The following TTLL3 variants were observed in gnomAD, a reference collection of about 807,000 sequenced individuals.
The protein encoded by TTLL3 is tubulin tyrosine ligase like 3.
TTLL3 carries 63 observed loss-of-function variants against 75.2 expected under a neutral mutation model. The ratio of observed to expected loss-of-function variants is 0.84; its 90% CI spans 0.68 to 1.03. The LOEUF (loss-of-function observed/expected upper bound fraction) is 1.03. Ranked by LOEUF, TTLL3 falls within the 50% of genes least tolerant of loss-of-function variation. The pLI is 0.00. For synonymous variants in TTLL3, 393 were observed against 418.5 expected (o/e 0.94, Z 0.74); for missense variants, 997 against 1,069.9 (o/e 0.93, Z 0.95).
intron 7 of TTLL3, chr3:9,819,857 G>A: frequency 1.0e-6 from 1 of 985,584 alleles, no homozygotes; most frequent in Non-Finnish European, 1.2e-6. Flanking sequence ...GGGCACAAGG[G>A]CCTCGGGTGT....
At chr3:9,816,044 C>T in intron 4 of TTLL3, 30 bp from the exon 5 acceptor site, 3 of 1,341,088 alleles carry the variant, frequency 2.2e-6, no homozygotes, top group Non-Finnish European at 3.0e-6. Flanking sequence ...ACACTGGCCT[C>T]TGTGTTTCTG....
At chr3:9,833,627 A>C (rs1016824216) in intron 12 of TTLL3, among the ~76,000 whole-genome samples, 1 of 152,012 alleles carries the variant, frequency 6.6e-6, no homozygotes, top group Non-Finnish European at 1.5e-5. Context: ...CAGCCACCCC[A>C]CCAAAGAGCC....
At chr3:9,823,240 T>C (rs1191801588) in intron 8 of TTLL3, among the ~76,000 whole-genome samples, 3 of 151,844 alleles carry the variant, frequency 2.0e-5, no homozygotes, top group East Asian at 3.9e-4. Flanking sequence ...AAAAATTAGC[T>C]GGGTGTGGTG....
rs2081994441 is a variant in TTLL3, at chr3:9,835,991, C to T, written c.*502C>T. 1 of 153,254 alleles carries T rather than the reference C, an allele frequency of 6.5e-6. No homozygotes were observed. Among genetic ancestry groups the T allele is most frequent in the African/African-American group, 2.4e-5 (1 of 41,476 alleles). The allele number at this position is 153,254 out of a possible 1,614,324, so 9.5% of individuals were successfully genotyped here. On this transcript the variant is annotated 3_prime_UTR_variant, in exon 14 of 14. Coordinates refer to ENST00000685419, the MANE Select transcript of TTLL3 (RefSeq NM_001387446.1). ...CTGAAAAGAGATGTCTACTTGGACC[C>T]TGTGAATGTGACCTTATGTGGGAAA...
intron 6 of TTLL3, 116 bp downstream of exon 6, chr3:9,817,875 C>A: frequency 1.5e-6 from 2 of 1,345,802 alleles, no homozygotes; most frequent in Non-Finnish European, 2.0e-6. Context: ...CCTGCCCCAG[C>A]AGATTTCCCT....
At chr3:9,834,409 A>G (rs952250153) in intron 12 of TTLL3, 9 of 639,044 alleles carry the variant, frequency 1.4e-5, no homozygotes, top group Non-Finnish European at 2.3e-5. Context: ...GGTAGGTGCT[A>G]TTATCCCCAT....
intron 11 of TTLL3, among the ~76,000 whole-genome samples, chr3:9,830,682 G>A (rs1393926136): frequency 1.3e-5 from 2 of 152,190 alleles, no homozygotes; most frequent in African/African-American, 4.8e-5. Flanking sequence ...CAGTGCCCAG[G>A]CCAGAAGCAT....
Position 9,812,974 on chromosome 3 carries a change from A to G in TTLL3, c.80A>G (p.Tyr27Cys), listed in dbSNP as rs762688304. Residue 27 changes from tyrosine to cysteine, a missense_variant, in exon 3 of 14, where the codon TAC (tyrosine) becomes TGC (cysteine). Tyr to Cys is a radical substitution (Grantham distance 194). Transcript: ENST00000685419. Reference protein sequence around the residue: ...QKKIFTIQGCYPVIRCLLRRR... With the variant: ...QKKIFTIQGCCPVIRCLLRRR... Reference sequence around the variant, plus strand: ...AAGATCTTTACAATCCAAGGCTGCTACCCGGTGATCCGGTGTCTCTTGCGC... The same window carrying G: ...AAGATCTTTACAATCCAAGGCTGCTGCCCGGTGATCCGGTGTCTCTTGCGC... 4.6e-6 allele frequency: 7 copies of G among 1,530,358 alleles called. No individual in the cohort carries two copies. In the South Asian group the frequency reaches 5.1e-5, roughly 11 times the overall value. The allele number at this position is 1,530,358 out of a possible 1,614,324, so 94.8% of individuals were successfully genotyped here. A position where few individuals can be genotyped will look rare whatever the true frequency, so the allele number is the denominator to read the frequency against.
chr3:9,834,569 G>A (rs1047168950), intron 12 of TTLL3, 112 bp from the exon 13 acceptor site: 69 of 1,513,962 alleles, frequency 4.6e-5, no homozygotes, highest in African/African-American at 2.8e-4. Flanking sequence ...GGGCTCCGTC[G>A]GCCTTCACCC....
Position 9,835,686 on chromosome 3 carries a change from A to G in TTLL3, c.*197A>G, listed in dbSNP as rs2081984711. On this transcript the variant is annotated 3_prime_UTR_variant, in exon 14 of 14. Transcript: ENST00000685419. ...AGATCACGTGGCAGTGAGTCGACGCAGGGACATATTGCCAGAACTGCCGAG... is the reference window on the plus strand; with the variant it reads ...AGATCACGTGGCAGTGAGTCGACGCGGGGACATATTGCCAGAACTGCCGAG... The G allele has an allele frequency of 1.8e-6, 1 of 565,846 alleles. No individual in the cohort carries two copies. Among genetic ancestry groups the G allele is most frequent in the African/African-American group, 1.9e-5 (1 of 52,518 alleles). The allele number at this position is 565,846 out of a possible 1,614,324, so 35.1% of individuals were successfully genotyped here. A position where few individuals can be genotyped will look rare whatever the true frequency, so the allele number is the denominator to read the frequency against.
At chr3:9,817,603 G>A (rs2080007757) in intron 5 of TTLL3, 42 bp from the exon 6 acceptor site, 1 of 1,613,200 alleles carries the variant, frequency 6.2e-7, no homozygotes, top group South Asian at 1.1e-5. Flanking sequence ...TGTGGTGAGT[G>A]TGGGCAGTCC....
chr3:9,828,654 C>T, intron 10 of TTLL3: 2 of 416,288 alleles, frequency 4.8e-6, no homozygotes, highest in South Asian at 6.0e-5. Context: ...GGGGCCATAC[C>T]CTTACCCACC....
At chr3:9,819,651 C>T (rs915692835) in intron 7 of TTLL3, 1 of 985,538 alleles carries the variant, frequency 1.0e-6, no homozygotes, top group East Asian at 1.1e-4. Context: ...ACTGCCTGCC[C>T]TTTCCCTTCT....
At chr3:9,826,809 A>G (rs1344473692) in intron 9 of TTLL3, among the ~76,000 whole-genome samples, 188 bp from the exon 10 acceptor site, 1 of 151,948 alleles carries the variant, frequency 6.6e-6, no homozygotes, top group Non-Finnish European at 1.5e-5. Context: ...AAAACTGGTT[A>G]ATTAGGAAAA....
At chr3:9,809,891 G>A (rs1056723430), upstream of TTLL3, 4 of 684,524 alleles carry the variant, frequency 5.8e-6, no homozygotes, top group Non-Finnish European at 8.0e-6. Flanking sequence ...AACGGGGCGG[G>A]GCTTGGAACG....
At chr3:9,834,309 G>C (rs1005346270) in intron 12 of TTLL3, 1 of 471,970 alleles carries the variant, frequency 2.1e-6, no homozygotes, top group African/African-American at 2.0e-5. Context: ...GTCACCTCTC[G>C]GGGAAAGAAC....
At chr3:9,827,344 C>CCA in intron 10 of TTLL3, 104 bp downstream of exon 10, 1 of 1,517,078 alleles carries the variant, frequency 6.6e-7, no homozygotes, top group Non-Finnish European at 8.8e-7. Context: ...GCGCTAGGCT[C>CCA]CACACACAGA....
Position 9,829,354 on chromosome 3 carries a change from C to T in TTLL3, c.1642C>T (p.Arg548Cys), listed in dbSNP as rs201054088. The T allele has an allele frequency of 9.3e-5, 149 of 1,608,506 alleles. No individual in the cohort carries two copies. The highest frequency in any genetic ancestry group is 1.1e-4 in the Non-Finnish European group (124 of 1,176,576). Reference sequence around the variant, plus strand: ...CGTGGTCATTGACCGGATGCTGGACCGCAACTGTGACACAGGAGCCTTTGA... The same window carrying T: ...CGTGGTCATTGACCGGATGCTGGACTGCAACTGTGACACAGGAGCCTTTGA... The part of the protein sequence containing the change: ...LRVVIDRMLD[R>C]NCDTGAFELI... The change falls in exon 11 of 14, where the codon CGC (arginine) becomes TGC (cysteine). Residue 548 changes from arginine (R) to cysteine (C), a missense_variant. Arg to Cys is a radical substitution (Grantham distance 180). Transcript: ENST00000685419.
At chr3:9,827,311 C>A in intron 10 of TTLL3, 71 bp downstream of exon 10, 1 of 1,586,006 alleles carries the variant, frequency 6.3e-7, no homozygotes, top group South Asian at 1.2e-5. Flanking sequence ...CAGGCGATTA[C>A]AGTGCAGGGG....
Sources: allele counts gnomAD v4.1 joint callset (sites outside exome capture counted in the v4.1 genomes callset), GRCh38; gene constraint gnomAD v4.1.1; transcripts MANE v1.5; gene names NCBI Gene and HGNC (gene_info 2026-07-23, HGNC 2026-07-21).